Variants in RAP1GAP2 observed in about 807,000 individuals in gnomAD.
RAP1GAP2 encodes the protein rap1 GTPase-activating protein 2.
A neutral mutation model predicts 95.0 loss-of-function variants in RAP1GAP2; 27 were observed. The observed-to-expected ratio is 0.28, with a 90% CI of 0.21 to 0.39. RAP1GAP2 has a LOEUF of 0.39. Among genes scored for constraint, RAP1GAP2 ranks in the 10% least tolerant of loss-of-function variants. The pLI is 1.00. For synonymous variants in RAP1GAP2, 373 were observed against 380.9 expected, an observed-to-expected ratio of 0.98 and a Z score of 0.24; for missense variants, 771 against 970.0, an observed-to-expected ratio of 0.79 and a Z score of 2.72.
rs542102882 is a variant in RAP1GAP2, at chr17:3,004,399, T to A, written c.1201-970T>A. Reference sequence around the variant, plus strand: ...CCTGCTCACCCGGCCTGGCAGACTCTGCATCTGCTCCACTTCACAGGCCGG... The same window carrying A: ...CCTGCTCACCCGGCCTGGCAGACTCAGCATCTGCTCCACTTCACAGGCCGG... On this transcript the variant is annotated intron_variant, in intron 14 of 24. Coordinates refer to ENST00000254695, the MANE Select transcript of RAP1GAP2 (RefSeq NM_015085.5). This position sits in a 1 kb window ranked among gnomAD's most constrained non-coding sequence, Gnocchi z 4.1. 6.6e-6 allele frequency among the ~76,000 whole-genome samples: 1 copy of A among 152,340 alleles called. No individual in the cohort carries two copies. Among genetic ancestry groups the A allele is most frequent in the East Asian group, 1.9e-4 (1 of 5,184 alleles).
At chr17:2,790,754 G>A (rs1018700173) in intron 1 of RAP1GAP2, among the ~76,000 whole-genome samples, 15 of 152,224 alleles carry the variant, frequency 9.9e-5, no homozygotes, top group Admixed American at 9.8e-4. Flanking sequence ...TATGAGGTCT[G>A]AGCTGCTCGA....
intron 1 of RAP1GAP2, among the ~76,000 whole-genome samples, chr17:2,798,593 C>T (rs1272735789): frequency 7.3e-6 from 1 of 137,746 alleles, no homozygotes; most frequent in South Asian, 2.5e-4. Context: ...TTTCCAAGCT[C>T]CATTGGATGC....
chr17:2,829,537 G>T (rs1295634480), intron 2 of RAP1GAP2, among the ~76,000 whole-genome samples: 3 of 152,282 alleles, frequency 2.0e-5, no homozygotes, highest in Non-Finnish European at 4.4e-5. Flanking sequence ...CTGTCTTCAT[G>T]TGAGAAGGGA....
At chr17:2,756,680 T>C (rs2071153512) in intron 1 of RAP1GAP2, among the ~76,000 whole-genome samples, 2 of 152,130 alleles carry the variant, frequency 1.3e-5, no homozygotes, top group Non-Finnish European at 2.9e-5. Flanking sequence ...CCTCTGAAGG[T>C]ACATTCTGTA....
At chr17:2,938,080 C>T (rs1198590685) in intron 3 of RAP1GAP2, among the ~76,000 whole-genome samples, 3 of 152,160 alleles carry the variant, frequency 2.0e-5, no homozygotes, top group African/African-American at 4.8e-5. Context: ...GAGGAAGGAT[C>T]GATGATCATC....
At position 2,759,501 on chromosome 17, in the gene RAP1GAP2, A is replaced by G. The variant is rs577047561; in HGVS notation, c.50+3734A>G. On this transcript the variant is annotated intron_variant, in intron 1 of 25. Coordinates refer to the RAP1GAP2 transcript ENST00000637138. ...GTCTCACTCTTGTCGCCCAGGCTGG[A>G]GTGCAATGGTACAACCTCAGCTCAC... Among the ~76,000 whole-genome samples the G allele has an allele frequency of 1.5e-3, 234 of 151,956 alleles. 2 individuals are homozygous for G. Among genetic ancestry groups the G allele is most frequent in the Non-Finnish European group, 2.4e-3 (161 of 67,938 alleles).
At chr17:2,890,073 C>T (rs2073657481) in intron 2 of RAP1GAP2, among the ~76,000 whole-genome samples, 1 of 151,296 alleles carries the variant, frequency 6.6e-6, no homozygotes, top group South Asian at 2.1e-4. Flanking sequence ...GATGAGATCC[C>T]AGCCCTGGTC....
At chr17:2,890,445 A>T (rs2073668702) in intron 2 of RAP1GAP2, among the ~76,000 whole-genome samples, 1 of 152,096 alleles carries the variant, frequency 6.6e-6, no homozygotes, top group South Asian at 2.1e-4. Flanking sequence ...AGCGGAGTGG[A>T]GCAGTGGCTT....
chr17:2,918,162 G>A (rs2042630010), intron 3 of RAP1GAP2, among the ~76,000 whole-genome samples: 2 of 152,154 alleles, frequency 1.3e-5, no homozygotes, highest in African/African-American at 2.4e-5. Flanking sequence ...TTGGCCAGGC[G>A]TGGTGGCTCA....
chr17:2,828,826 G>A (rs1482301143), intron 2 of RAP1GAP2, among the ~76,000 whole-genome samples: 1 of 151,956 alleles, frequency 6.6e-6, no homozygotes, highest in Non-Finnish European at 1.5e-5. Flanking sequence ...GTGTTTCTTT[G>A]CTTGCTCCCT....
At position 3,005,535 on chromosome 17, in the gene RAP1GAP2, G is replaced by A. The variant is rs945799733; in HGVS notation, c.1272+95G>A. On this transcript the variant is annotated intron_variant, in intron 15 of 24. Coordinates refer to ENST00000254695, the MANE Select transcript of RAP1GAP2 (RefSeq NM_015085.5). This position sits in a 1 kb window ranked among gnomAD's most constrained non-coding sequence, Gnocchi z 5.2. Reference sequence around the variant, plus strand: ...TGGGATGGAGCCAAATTCAGGCTGGGAACATTAGGGAGCTCCTTTTGCAGG... The same window carrying A: ...TGGGATGGAGCCAAATTCAGGCTGGAAACATTAGGGAGCTCCTTTTGCAGG... The A allele has an allele frequency of 3.2e-5, 43 of 1,362,796 alleles. No homozygotes were observed. The African/African-American group carries it at 5.3e-4, about 17-fold the overall frequency. The allele number at this position is 1,362,796 out of a possible 1,614,324, so 84.4% of individuals were successfully genotyped here.
chr17:3,023,464 G>C (rs575243232), intron 19 of RAP1GAP2, among the ~76,000 whole-genome samples: 6 of 152,272 alleles, frequency 3.9e-5, no homozygotes, highest in African/African-American at 1.4e-4. Flanking sequence ...TCTGCCTATA[G>C]CCCTGGGTGG....
At chr17:2,778,279 A>T (rs1409686357) in intron 1 of RAP1GAP2, among the ~76,000 whole-genome samples, 1 of 112,752 alleles carries the variant, frequency 8.9e-6, no homozygotes, top group Non-Finnish European at 1.8e-5. Flanking sequence ...TTGGAGAGGG[A>T]TGGGGCTGGG....
At chr17:2,927,787 C>T (rs559662154) in intron 3 of RAP1GAP2, among the ~76,000 whole-genome samples, 28 of 152,278 alleles carry the variant, frequency 1.8e-4, no homozygotes, top group Non-Finnish European at 3.7e-4. Flanking sequence ...CTAGAGGAAA[C>T]GCTAGCCGGC....
At chr17:2,948,856 G>A (rs1028301036) in intron 3 of RAP1GAP2, among the ~76,000 whole-genome samples, 1 of 152,216 alleles carries the variant, frequency 6.6e-6, no homozygotes, top group African/African-American at 2.4e-5. Flanking sequence ...ACTCACACGA[G>A]TGCCATCTTT....
In RAP1GAP2 at chr17:2,865,118, T is replaced by C. The variant is rs112706080; in HGVS notation, c.81-40166T>C. The stretch of plus-strand genomic sequence containing the variant: ...GGATTCCAATCTGTCTGGTGCCAAA[T>C]TCTATGCTTTTTCTCCCACCACCAA... On this transcript the variant is annotated intron_variant, in intron 2 of 24. Transcript: ENST00000254695. 1.2e-3 allele frequency among the ~76,000 whole-genome samples: 179 copies of C among 152,288 alleles called. 1 individual carries two copies. Among genetic ancestry groups the C allele is most frequent in the African/African-American group, 4.1e-3 (170 of 41,564 alleles).
chr17:2,975,610 A>T (rs1450377235), intron 8 of RAP1GAP2, among the ~76,000 whole-genome samples: 1 of 152,210 alleles, frequency 6.6e-6, no homozygotes, highest in Non-Finnish European at 1.5e-5. Context: ...ACCCTCCCTG[A>T]TGGGCGTGTT....
At chr17:2,974,336 G>C (rs922644712) in intron 8 of RAP1GAP2, among the ~76,000 whole-genome samples, 17 of 149,548 alleles carry the variant, frequency 1.1e-4, no homozygotes, top group African/African-American at 4.0e-4. Flanking sequence ...GCGAAAGAGC[G>C]AGATTCCATC....
chr17:2,838,477 T>G (rs1308206163), intron 2 of RAP1GAP2, among the ~76,000 whole-genome samples: 5 of 152,062 alleles, frequency 3.3e-5, no homozygotes, highest in African/African-American at 1.2e-4. Flanking sequence ...GACTTGCTCT[T>G]TGGAGAGTTG....
Sources: gnomAD v4.1 joint callset for allele counts (sites outside exome capture counted in the v4.1 genomes callset) on GRCh38, gnomAD v4.1.1 for gene constraint, Gnocchi (gnomAD v3.1) non-coding constraint, MANE v1.5 for transcripts, NCBI Gene and HGNC (gene_info 2026-07-23, HGNC 2026-07-21) for gene names.